DPP10: variants seen among roughly 807,000 people sequenced by gnomAD.
DPP10 encodes inactive dipeptidyl peptidase 10.
DPP10 carries 33 observed loss-of-function variants against 120.9 expected under a neutral mutation model. That is an observed-to-expected ratio of 0.27 (90% CI 0.21 to 0.37). The LOEUF is 0.37. DPP10 is among the 10% of genes least tolerant of loss of function. The probability of loss-of-function intolerance (pLI) is 1.00; values close to 1 mark genes in which losing one functional copy is unlikely to be tolerated. For synonymous variants in DPP10, 337 were observed against 326.1 expected (o/e 1.03, Z -0.36); for missense variants, 816 against 942.8 (o/e 0.87, Z 1.76).
At chr2:115,115,863 G>T (rs917937093) in intron 1 of DPP10, among the ~76,000 whole-genome samples, 9 of 152,048 alleles carry the variant, frequency 5.9e-5, no homozygotes, top group African/African-American at 2.2e-4. Context: ...TGTGAAAATG[G>T]TGCACAACCT....
intron 1 of DPP10, among the ~76,000 whole-genome samples, chr2:114,947,536 C>G (rs1267173238): frequency 6.6e-6 from 1 of 151,862 alleles, no homozygotes; most frequent in Non-Finnish European, 1.5e-5. Context: ...TGGTCACTAC[C>G]TATTCTCCAT....
chr2:114,661,978 C>T (rs1573910792), intron 1 of DPP10, among the ~76,000 whole-genome samples: 1 of 151,772 alleles, frequency 6.6e-6, no homozygotes, highest in South Asian at 2.1e-4. Flanking sequence ...TGCACTCCAG[C>T]CTGAGCAACA....
rs1678104013 is a variant in DPP10 at position 114,449,016 on chromosome 2, A to G, written c.60+6178A>G. 1.3e-5 allele frequency among the ~76,000 whole-genome samples: 2 copies of G among 152,194 alleles called. 1 individual carries two copies. The highest frequency in any genetic ancestry group is 4.1e-4 in the South Asian group (2 of 4,836). ...TTCATAGAAAATTTCTCAAAGAAGT[A>G]TACTGACATTTTGGCTTTTGATGGT... is the stretch of plus-strand genomic sequence containing the variant. On this transcript the variant is annotated intron_variant, in intron 1 of 25. Transcript: ENST00000410059.
chr2:115,716,287 G>A lies in DPP10; in HGVS notation c.577-11529G>A, dbSNP rs530851282. ...ACCCAACATGAATTACTGAGAATTA[G>A]GCATTACTCTGTTGAATACTTTTTG... On this transcript the variant is annotated intron_variant, in intron 7 of 25. Coordinates refer to ENST00000410059, the MANE Select transcript of DPP10 (RefSeq NM_020868.6). Among the ~76,000 whole-genome samples the A allele has an allele frequency of 7.2e-5, 11 of 152,254 alleles. No homozygotes were observed. In the East Asian group the frequency reaches 2.1e-3, roughly 29 times the overall value.
chr2:114,814,620 G>A (rs1007476283), intron 1 of DPP10, among the ~76,000 whole-genome samples: 1 of 151,944 alleles, frequency 6.6e-6, no homozygotes, highest in East Asian at 1.9e-4. Context: ...TAGTAGATAT[G>A]GTGGCTCTCG....
rs537118836 is a variant in DPP10 at position 115,705,425 on chromosome 2, G to A, written c.576+15504G>A. On this transcript the variant is annotated intron_variant, in intron 7 of 25. Transcript: ENST00000410059. Reference sequence around the variant, plus strand: ...TATGCACACACACACATTCACACACGTTACTGCTGGTGCCAAGCACGTTCT... The same window carrying A: ...TATGCACACACACACATTCACACACATTACTGCTGGTGCCAAGCACGTTCT... 3.3e-4 allele frequency among the ~76,000 whole-genome samples: 50 copies of A among 151,896 alleles called. 1 individual carries two copies. The highest frequency in any genetic ancestry group is 2.4e-4 in the Non-Finnish European group (16 of 67,850).
At chr2:115,404,443 AACTATATCAACTTATATAC>A (rs1158458526) in intron 3 of DPP10, among the ~76,000 whole-genome samples, 2 of 152,116 alleles carry the variant, frequency 1.3e-5, no homozygotes, top group Admixed American at 6.6e-5. Flanking sequence ...ACAACATCCA[AACTATATCAACTTATATAC>A]TGAAAACTAT....
intron 1 of DPP10, among the ~76,000 whole-genome samples, chr2:115,257,954 G>T (rs2059079756): frequency 1.3e-5 from 2 of 152,098 alleles, no homozygotes. Context: ...AAAGAGATAG[G>T]ATATATGTAG....
intron 1 of DPP10, among the ~76,000 whole-genome samples, chr2:114,492,460 T>C (rs1573479553): frequency 6.6e-6 from 1 of 152,060 alleles, no homozygotes; most frequent in Middle Eastern, 3.4e-3. Context: ...AACTAAAAAA[T>C]AAATAAAAGT....
rs141747857 is a variant in DPP10, at chr2:114,965,282, G to A, written c.61-343957G>A. On this transcript the variant is annotated intron_variant, in intron 1 of 25. Coordinates refer to ENST00000410059, the MANE Select transcript of DPP10 (RefSeq NM_020868.6). ...CTCCTGAGTAGCTGGGATTACAGGC[G>A]TGTGCCACCATGCCTGGCTGATTTT... 7.1e-3 allele frequency among the ~76,000 whole-genome samples: 1,087 copies of A among 152,070 alleles called. 11 individuals are homozygous for A. The highest frequency in any genetic ancestry group is 0.024 in the African/African-American group (1,002 of 41,472).
At chr2:115,587,914 A>C (rs1328323169) in intron 5 of DPP10, among the ~76,000 whole-genome samples, 1 of 152,174 alleles carries the variant, frequency 6.6e-6, no homozygotes, top group Non-Finnish European at 1.5e-5. Flanking sequence ...TATAATTTAC[A>C]ATTAATCTAA....
chr2:115,804,611 T>C (rs1262069404), intron 19 of DPP10, among the ~76,000 whole-genome samples: 1 of 152,200 alleles, frequency 6.6e-6, no homozygotes, highest in African/African-American at 2.4e-5. Flanking sequence ...GGGTTTTTGG[T>C]GTGGATGTCC....
intron 1 of DPP10, among the ~76,000 whole-genome samples, chr2:114,784,198 A>G (rs1406465743): frequency 6.6e-6 from 1 of 151,904 alleles, no homozygotes. Context: ...AAATAACACT[A>G]TTTTGGCTTT....
chr2:115,493,729 A>G (rs35732410), intron 3 of DPP10, among the ~76,000 whole-genome samples: 63,491 of 151,784 alleles, frequency 0.42, 14,108 homozygotes, highest in East Asian at 0.65. Flanking sequence ...TGGGGGAAGA[A>G]CATATTGTAT....
chr2:114,821,585 G>A (rs541920654), intron 1 of DPP10, among the ~76,000 whole-genome samples: 97 of 152,180 alleles, frequency 6.4e-4, no homozygotes, highest in African/African-American at 2.1e-3. Context: ...TCAAAAGTTC[G>A]AGTCCAAAGT....
At chr2:114,592,237 C>G (rs1056860942) in intron 1 of DPP10, among the ~76,000 whole-genome samples, 1 of 152,098 alleles carries the variant, frequency 6.6e-6, no homozygotes, top group African/African-American at 2.4e-5. Context: ...CAGAAAGTTT[C>G]TGGGAAACTT....
chr2:115,492,166 G>A (rs754064126), intron 3 of DPP10, among the ~76,000 whole-genome samples: 7 of 152,098 alleles, frequency 4.6e-5, no homozygotes, highest in Non-Finnish European at 8.8e-5. Context: ...TACTGGATGG[G>A]GCTGTAGTAC....
intron 1 of DPP10, among the ~76,000 whole-genome samples, chr2:114,911,373 C>A (rs553645056): frequency 6.6e-6 from 1 of 152,078 alleles, no homozygotes; most frequent in Non-Finnish European, 1.5e-5. Context: ...TATTAAGGAT[C>A]CACTCTTTGT....
intron 5 of DPP10, among the ~76,000 whole-genome samples, chr2:115,584,318 G>C (rs1311171608): frequency 3.3e-5 from 5 of 152,176 alleles, no homozygotes; most frequent in Non-Finnish European, 5.9e-5. Flanking sequence ...AGCAAACGTA[G>C]TGGTCATTGG....
Sources: allele counts gnomAD v4.1 joint callset (sites outside exome capture counted in the v4.1 genomes callset), GRCh38; gene constraint gnomAD v4.1.1; transcripts MANE v1.5; gene names NCBI Gene and HGNC (gene_info 2026-07-23, HGNC 2026-07-21).